SLC14A2: variants seen among roughly 807,000 people sequenced by gnomAD.
SLC14A2 encodes urea transporter 2.
SLC14A2 carries 91 observed loss-of-function variants against 104.6 expected under a neutral mutation model. The observed-to-expected ratio is 0.87, with a 90% CI of 0.73 to 1.04. SLC14A2 has a LOEUF of 1.04. Ranked by LOEUF, SLC14A2 falls within the 50% of genes least tolerant of loss-of-function variation. SLC14A2 has a pLI of 0.00. For missense variants in SLC14A2, 1,189 were observed against 1,156.0 expected, an observed-to-expected ratio of 1.03 and a Z score of -0.41; for synonymous variants, 476 against 466.4, an observed-to-expected ratio of 1.02 and a Z score of -0.27.
chr18:45,377,870 T>C (rs943887769), intron 1 of SLC14A2, among the ~76,000 whole-genome samples: 6 of 152,280 alleles, frequency 3.9e-5, no homozygotes, highest in African/African-American at 1.4e-4. Context: ...CAGTCCCATC[T>C]TCCTGCTTTA....
chr18:45,180,160 A>C, the SLC14A2 span, among the ~76,000 whole-genome samples: 7 of 152,084 alleles, frequency 4.6e-5, no homozygotes, highest in African/African-American at 9.7e-5. Flanking sequence ...AAAAGAGAAA[A>C]AAACAAACAA....
chr18:45,340,356 C>A (rs1327813409), intron 1 of SLC14A2, among the ~76,000 whole-genome samples: 6 of 152,206 alleles, frequency 3.9e-5, no homozygotes, highest in Non-Finnish European at 7.3e-5. Flanking sequence ...CTCATTCCTC[C>A]TGATCGCCCT....
At chr18:45,430,612 A>G (rs987340623) in intron 1 of SLC14A2, among the ~76,000 whole-genome samples, 5 of 151,826 alleles carry the variant, frequency 3.3e-5, no homozygotes, top group African/African-American at 9.7e-5. Flanking sequence ...GTCTCGCTCT[A>G]TTTCCCAGGC....
chr18:45,576,360 T>C (rs1354542638), intron 2 of SLC14A2, among the ~76,000 whole-genome samples: 1 of 144,332 alleles, frequency 6.9e-6, no homozygotes, highest in Non-Finnish European at 1.5e-5. Context: ...CTCGGCTCAC[T>C]GTAACCTCCG....
At chr18:45,628,014 A>G (rs974101832) in intron 4 of SLC14A2, among the ~76,000 whole-genome samples, 3 of 151,384 alleles carry the variant, frequency 2.0e-5, no homozygotes, top group African/African-American at 4.9e-5. Context: ...AAAAAAAAAA[A>G]AAAAAAGAAA....
At chr18:45,455,131 A>G (rs572212734) in intron 1 of SLC14A2, among the ~76,000 whole-genome samples, 1 of 152,294 alleles carries the variant, frequency 6.6e-6, no homozygotes, top group South Asian at 2.1e-4. Context: ...TTGACCCAGC[A>G]ATCCCATAAC....
chr18:45,474,873 C>T (rs560320124), intron 1 of SLC14A2, among the ~76,000 whole-genome samples: 34 of 151,684 alleles, frequency 2.2e-4, no homozygotes, highest in African/African-American at 7.7e-4. Flanking sequence ...GTGTCTCTAT[C>T]TCCTTCAATT....
At chr18:45,579,589 T>C (rs2044460582) in intron 2 of SLC14A2, among the ~76,000 whole-genome samples, 1 of 152,234 alleles carries the variant, frequency 6.6e-6, no homozygotes, top group Non-Finnish European at 1.5e-5. Flanking sequence ...TAGGTATATG[T>C]TAATGTCATG....
chr18:45,338,422 C>T (rs979329415), intron 1 of SLC14A2, among the ~76,000 whole-genome samples: 6 of 152,012 alleles, frequency 3.9e-5, no homozygotes, highest in Admixed American at 2.6e-4. Flanking sequence ...AGGATGGTTT[C>T]GATCTCCTGA....
chr18:45,588,980 G>A (rs563190235), intron 2 of SLC14A2, among the ~76,000 whole-genome samples: 3 of 151,562 alleles, frequency 2.0e-5, no homozygotes, highest in African/African-American at 7.3e-5. Context: ...TGGGTGGGGG[G>A]GGGTGTTAAA....
At chr18:45,471,640 A>C (rs920038629) in intron 1 of SLC14A2, among the ~76,000 whole-genome samples, 5 of 151,860 alleles carry the variant, frequency 3.3e-5, no homozygotes, top group Non-Finnish European at 7.4e-5. Flanking sequence ...TCACTTGATC[A>C]ATCCTGTTCT....
At chr18:45,263,481 G>A (rs1356778561) in intron 1 of SLC14A2, among the ~76,000 whole-genome samples, 3 of 152,104 alleles carry the variant, frequency 2.0e-5, no homozygotes, top group Non-Finnish European at 4.4e-5. Context: ...GATACTTTGA[G>A]ATTATACAAA....
chr18:45,354,246 G>A (rs913140779), intron 1 of SLC14A2, among the ~76,000 whole-genome samples: 14 of 152,156 alleles, frequency 9.2e-5, no homozygotes, highest in African/African-American at 2.4e-4. Context: ...CAACTTGTTA[G>A]CATTCTATTT....
At chr18:45,474,794 GTCTA>G (rs1343669157) in intron 1 of SLC14A2, among the ~76,000 whole-genome samples, 1 of 152,090 alleles carries the variant, frequency 6.6e-6, no homozygotes, top group Non-Finnish European at 1.5e-5. Flanking sequence ...CTGGCTAGCA[GTCTA>G]TCTATTTTGT....
In SLC14A2 at chr18:45,682,340, T is replaced by C; in HGVS notation, c.2584T>C (p.Trp862Arg). The part of the protein sequence containing the change: ...LSVFGLPPCT[W>R]PFCLSALTFL... The stretch of plus-strand genomic sequence containing the variant: ...CCAGTTTGGATTGCCGCCCTGCACT[T>C]GGCCCTTCTGTCTCTCAGCTCTCAC... The change falls in exon 20 of 20, where the codon TGG (tryptophan) becomes CGG (arginine). Residue 862 changes from tryptophan (W) to arginine (R), a missense_variant. By Grantham distance (101) the Trp-to-Arg change is moderately radical (BLOSUM62 -3). Transcript: ENST00000255226. The C allele has an allele frequency of 1.9e-6, 3 of 1,614,160 alleles. No homozygotes were observed. The highest frequency in any genetic ancestry group is 1.3e-5 in the African/African-American group (1 of 75,046).
intron 1 of SLC14A2, among the ~76,000 whole-genome samples, chr18:45,384,923 AGCATGATG>A (rs2085878336): frequency 6.6e-6 from 1 of 152,222 alleles, no homozygotes; most frequent in Non-Finnish European, 1.5e-5. Context: ...ACAGCTTTCC[AGCATGATG>A]GCACCTTCAA....
At chr18:45,356,710 G>A (rs1160408842) in intron 1 of SLC14A2, among the ~76,000 whole-genome samples, 1 of 152,214 alleles carries the variant, frequency 6.6e-6, no homozygotes, top group Non-Finnish European at 1.5e-5. Context: ...AACATGGCTG[G>A]CGGTTACTAG....
chr18:45,272,034 A>G lies in SLC14A2; in HGVS notation c.-125+58843A>G, dbSNP rs180825295. On this transcript the variant is annotated intron_variant, in intron 1 of 20. Coordinates refer to the SLC14A2 transcript ENST00000586448. ...ACTCATCTTTGACAAGGATACCAAA[A>G]ACATACACTAGGGAAAAGAGAGTCT... 3.5e-4 allele frequency among the ~76,000 whole-genome samples: 54 copies of G among 152,220 alleles called. 1 individual carries two copies. The East Asian group carries it at 0.01, about 29-fold the overall frequency.
intron 1 of SLC14A2, among the ~76,000 whole-genome samples, chr18:45,415,120 G>A (rs1228266175): frequency 1.3e-5 from 2 of 152,040 alleles, no homozygotes; most frequent in Non-Finnish European, 2.9e-5. Flanking sequence ...ACCCTGACAT[G>A]AGCCAGGTAT....
Sources: gnomAD v4.1 joint callset for allele counts (sites outside exome capture counted in the v4.1 genomes callset) on GRCh38, gnomAD v4.1.1 for gene constraint, MANE v1.5 for transcripts, NCBI Gene and HGNC (gene_info 2026-07-23, HGNC 2026-07-21) for gene names.